The following PRKG1 variants were observed in gnomAD, a reference collection of about 807,000 sequenced individuals.
PRKG1 encodes protein kinase cGMP-dependent 1.
PRKG1 carries 35 observed loss-of-function variants against 88.1 expected under a neutral mutation model. That is an observed-to-expected ratio of 0.40 (90% CI 0.30 to 0.53). The LOEUF (loss-of-function observed/expected upper bound fraction) is 0.53. Among genes scored for constraint, PRKG1 ranks in the 20% least tolerant of loss-of-function variants. The pLI, the probability that PRKG1 is intolerant of heterozygous loss-of-function variation, is 0.59. For synonymous variants in PRKG1, 303 were observed against 292.5 expected, an observed-to-expected ratio of 1.04 and a Z score of -0.37; for missense variants, 540 against 839.8, an observed-to-expected ratio of 0.64 and a Z score of 4.41.
intron 5 of PRKG1, among the ~76,000 whole-genome samples, chr10:52,027,988 C>T (rs1356978593): frequency 1.3e-5 from 2 of 152,104 alleles, no homozygotes; most frequent in Non-Finnish European, 1.5e-5. Context: ...GGGGTTTCAC[C>T]ATGTTGGCCA....
Position 51,597,470 on chromosome 10 carries a change from C to G in PRKG1, c.592+129634C>G, listed in dbSNP as rs116655691. On this transcript the variant is annotated intron_variant, in intron 3 of 17. Transcript: ENST00000373980. ...TGAGGGAATGATCTGTTTCAACTAA[C>G]AGATGGAATATTTAGAGTACTATAT... 5.6e-3 allele frequency among the ~76,000 whole-genome samples: 854 copies of G among 152,310 alleles called. 8 individuals are homozygous for G. The highest frequency in any genetic ancestry group is 0.02 in the African/African-American group (819 of 41,566).
chr10:51,289,948 C>G (rs924870759), intron 2 of PRKG1, among the ~76,000 whole-genome samples: 1 of 152,088 alleles, frequency 6.6e-6, no homozygotes, highest in African/African-American at 2.4e-5. Context: ...ATGTCCATGC[C>G]TCCTTTTTGG....
chr10:51,782,368 C>T (rs1226730846), intron 3 of PRKG1, among the ~76,000 whole-genome samples: 1 of 152,086 alleles, frequency 6.6e-6, no homozygotes, highest in African/African-American at 2.4e-5. Flanking sequence ...GCACATCAGA[C>T]CCCTTTCTTT....
chr10:51,078,602 T>TTATTTATTTATTTATC lies in PRKG1; in HGVS notation c.311+3716_311+3717insCTATTTATTTATTTAT, dbSNP rs1237457191. Among the ~76,000 whole-genome samples, 385 of 140,050 alleles carry TTATTTATTTATTTATC rather than the reference T, an allele frequency of 2.7e-3. 1 individual carries two copies. The highest frequency in any genetic ancestry group is 9.4e-3 in the African/African-American group (361 of 38,394). 91.9% of individuals were successfully genotyped at this position (140,050 alleles called of 152,430 possible). ...AAAATATTTATTTATATTTATTTAT[T>TTATTTATTTATTTATC]TATTTATTTATTTATTTATTTATTT... On this transcript the variant is annotated intron_variant, in intron 1 of 17. Coordinates refer to ENST00000373980, the MANE Select transcript of PRKG1 (RefSeq NM_006258.4).
chr10:51,284,281 T>C (rs779893133), intron 2 of PRKG1, among the ~76,000 whole-genome samples: 7 of 152,200 alleles, frequency 4.6e-5, no homozygotes, highest in Non-Finnish European at 8.8e-5. Flanking sequence ...TAGTATTTAT[T>C]GCATATCTAC....
intron 7 of PRKG1, among the ~76,000 whole-genome samples, chr10:52,081,976 T>TG (rs1194394003): frequency 3.9e-5 from 6 of 152,214 alleles, no homozygotes; most frequent in African/African-American, 1.4e-4. Context: ...TGCCTGAGAT[T>TG]GGGTAACTTA....
At chr10:52,207,042 C>CA (rs1447946129) in intron 9 of PRKG1, among the ~76,000 whole-genome samples, 1 of 152,100 alleles carries the variant, frequency 6.6e-6, no homozygotes, top group Non-Finnish European at 1.5e-5. Context: ...AGGGGCATTG[C>CA]AATGGCATTC....
At chr10:51,940,402 TA>T (rs1275055097) in intron 5 of PRKG1, among the ~76,000 whole-genome samples, 2 of 151,892 alleles carry the variant, frequency 1.3e-5, no homozygotes, top group African/African-American at 4.8e-5. Context: ...TGGCTGCTCT[TA>T]AATAACTCTA....
chr10:51,670,053 T>C (rs1840519347), intron 3 of PRKG1, among the ~76,000 whole-genome samples: 1 of 152,220 alleles, frequency 6.6e-6, no homozygotes, highest in South Asian at 2.1e-4. Context: ...GCTGTATTAG[T>C]TGATGTGAAT....
At chr10:51,875,395 C>A (rs546158419) in intron 4 of PRKG1, among the ~76,000 whole-genome samples, 12 of 150,788 alleles carry the variant, frequency 8.0e-5, no homozygotes, top group South Asian at 4.2e-4. Flanking sequence ...AAAAAAAAAA[C>A]CACCCCAGAT....
At chr10:51,859,262 A>T (rs1840804227) in intron 4 of PRKG1, among the ~76,000 whole-genome samples, 1 of 152,096 alleles carries the variant, frequency 6.6e-6, no homozygotes, top group Non-Finnish European at 1.5e-5. Flanking sequence ...CATTATATAC[A>T]CCCACACCTG....
At chr10:51,415,268 C>G (rs1275002064) in intron 2 of PRKG1, among the ~76,000 whole-genome samples, 1 of 152,184 alleles carries the variant, frequency 6.6e-6, no homozygotes, top group African/African-American at 2.4e-5. Flanking sequence ...ATAATCTAAC[C>G]TCTTTAATAT....
chr10:51,497,858 A>T (rs958076738), intron 3 of PRKG1, among the ~76,000 whole-genome samples: 6 of 152,118 alleles, frequency 3.9e-5, no homozygotes, highest in Non-Finnish European at 2.9e-5. Context: ...CATTTAGAAG[A>T]ATAGTATGGG....
chr10:52,178,687 G>A (rs1838931251), intron 9 of PRKG1, among the ~76,000 whole-genome samples: 1 of 152,150 alleles, frequency 6.6e-6, no homozygotes, highest in African/African-American at 2.4e-5. Context: ...GGCATTAAAT[G>A]CATATAGATT....
At chr10:51,013,647 C>T (rs1274024787) in intron 1 of PRKG1, among the ~76,000 whole-genome samples, 1 of 151,958 alleles carries the variant, frequency 6.6e-6, no homozygotes, top group Non-Finnish European at 1.5e-5. Flanking sequence ...ACCTAAGCCT[C>T]CCAAAGTGCT....
At chr10:51,345,892 C>A (rs891914690) in intron 2 of PRKG1, among the ~76,000 whole-genome samples, 6 of 152,176 alleles carry the variant, frequency 3.9e-5, no homozygotes, top group African/African-American at 1.2e-4. Context: ...AGTTCTGGAT[C>A]TTGCTCTTGA....
chr10:52,230,884 A>T (rs1473825832), intron 9 of PRKG1: 2 of 152,232 alleles, frequency 1.3e-5, no homozygotes, highest in Admixed American at 6.5e-5. Context: ...AATGTTGACC[A>T]GGCATCATCC....
chr10:51,154,179 T>TA (rs1846146905), intron 2 of PRKG1, among the ~76,000 whole-genome samples: 1 of 152,030 alleles, frequency 6.6e-6, no homozygotes, highest in Non-Finnish European at 1.5e-5. Flanking sequence ...AGTGGTGTAT[T>TA]TGGGCAAGTC....
chr10:52,067,320 T>C (rs1846378345), intron 7 of PRKG1, among the ~76,000 whole-genome samples: 1 of 152,242 alleles, frequency 6.6e-6, no homozygotes, highest in Non-Finnish European at 1.5e-5. Flanking sequence ...GGTTTTATTC[T>C]CTTGAAGTTG....
Sources: gnomAD v4.1 joint callset for allele counts (sites outside exome capture counted in the v4.1 genomes callset) on GRCh38, gnomAD v4.1.1 for gene constraint, MANE v1.5 for transcripts, NCBI Gene and HGNC (gene_info 2026-07-23, HGNC 2026-07-21) for gene names.